CD82: variants seen among roughly 807,000 people sequenced by gnomAD.
CD82 encodes the protein CD82 antigen.
Under a neutral mutation model 37.4 loss-of-function variants are expected in CD82, and 36 were observed. That is an observed-to-expected ratio of 0.96 (90% confidence interval 0.74 to 1.27). CD82 has a LOEUF of 1.27. CD82 is among the 50% of genes most tolerant of loss of function. The probability of loss-of-function intolerance (pLI) is 0.00; values close to 1 mark genes in which losing one functional copy is unlikely to be tolerated. For synonymous variants in CD82, 158 were observed against 137.4 expected, an observed-to-expected ratio of 1.15 and a Z score of -1.05; for missense variants, 340 against 347.0, an observed-to-expected ratio of 0.98 and a Z score of 0.16.
intron 4 of CD82, among the ~76,000 whole-genome samples, chr11:44,600,903 G>C (rs1303134753): frequency 1.3e-5 from 2 of 150,946 alleles, no homozygotes; most frequent in Non-Finnish European, 3.0e-5. Flanking sequence ...TGTGGGACTC[G>C]AACTCCAAGA....
Position 44,594,715 on chromosome 11 carries a change from T to A in CD82, c.53T>A (p.Leu18Ter). Residue 18 changes from leucine to a stop codon, truncating the protein, a stop_gained, in exon 3 of 10, where the codon TTG becomes TAG. Transcript: ENST00000227155. LOFTEE classifies it high-confidence loss of function. ...AAATACTTTCTCTTCCTCTTCAACT[T>A]GATCTTCTTTGTAAGTATGTCCCAT... ...VTKYFLFLFN[L>*]IFFILGAVIL... 6.2e-7 allele frequency: 1 copy of A among 1,613,354 alleles called. No individual in the cohort carries two copies. The highest frequency in any genetic ancestry group is 1.1e-5 in the South Asian group (1 of 91,062).
intron 4 of CD82, 67 bp from the exon 5 acceptor site, chr11:44,604,991 C>T (rs1396270208): frequency 6.2e-7 from 1 of 1,611,164 alleles, no homozygotes; most frequent in African/African-American, 1.3e-5. Flanking sequence ...GGAAGAAGAC[C>T]TGGACGGTTA....
intron 2 of CD82, among the ~76,000 whole-genome samples, chr11:44,591,893 C>T (rs144003165): frequency 0.012 from 1,794 of 152,188 alleles, 42 homozygotes; most frequent in African/African-American, 0.042. Flanking sequence ...AATCTCAGCT[C>T]ACTGCAACCT....
At chr11:44,615,586 C>T (rs1853552938) in intron 7 of CD82, among the ~76,000 whole-genome samples, 1 of 152,228 alleles carries the variant, frequency 6.6e-6, no homozygotes, top group Non-Finnish European at 1.5e-5. Flanking sequence ...CTTCACAGCT[C>T]TGTGCTCCCA....
intron 4 of CD82, among the ~76,000 whole-genome samples, chr11:44,601,478 A>G (rs902052717): frequency 2.6e-5 from 4 of 152,042 alleles, no homozygotes; most frequent in African/African-American, 9.7e-5. Flanking sequence ...CCTTGGCCCC[A>G]TTAGGCCCAG....
intron 6 of CD82, among the ~76,000 whole-genome samples, chr11:44,613,696 G>A (rs1012874081): frequency 3.9e-5 from 6 of 152,240 alleles, no homozygotes; most frequent in African/African-American, 1.4e-4. Context: ...GGTGACTCAT[G>A]CCTGTAGCCC....
At chr11:44,589,363 C>G (rs151136044) in intron 2 of CD82, among the ~76,000 whole-genome samples, 1 of 152,252 alleles carries the variant, frequency 6.6e-6, no homozygotes, top group African/African-American at 2.4e-5. Flanking sequence ...GCTTGCATCT[C>G]ATTCCCTTGA....
intron 6 of CD82, among the ~76,000 whole-genome samples, chr11:44,614,867 A>G (rs1381944875): frequency 6.6e-6 from 1 of 152,202 alleles, no homozygotes; most frequent in Non-Finnish European, 1.5e-5. Context: ...GCCTGGCACA[A>G]AGACAGCACA....
At chr11:44,585,170 T>C (rs1185273171) in intron 1 of CD82, 1 of 455,874 alleles carries the variant, frequency 2.2e-6, no homozygotes, top group East Asian at 6.9e-5. Context: ...GCAGTGGTCA[T>C]CTTCTGGCAC....
At chr11:44,594,854 G>A (rs1853199232) in intron 3 of CD82, 129 bp downstream of exon 3, 2 of 744,006 alleles carry the variant, frequency 2.7e-6, no homozygotes, top group South Asian at 3.1e-5. Context: ...GACTGAGGAC[G>A]AACTATCTCC....
chr11:44,566,719 G>A (rs954800169), intron 1 of CD82, among the ~76,000 whole-genome samples: 1 of 152,194 alleles, frequency 6.6e-6, no homozygotes, highest in Non-Finnish European at 1.5e-5. Flanking sequence ...CAGGAAACCA[G>A]TGAGACCTCC....
chr11:44,566,705 G>C (rs1307591254), intron 1 of CD82, among the ~76,000 whole-genome samples: 1 of 152,202 alleles, frequency 6.6e-6, no homozygotes, highest in Non-Finnish European at 1.5e-5. Flanking sequence ...ACTTAGCAAG[G>C]TGCCAGGAAA....
chr11:44,587,329 G>T (rs770964775), intron 1 of CD82, 146 bp from the exon 2 acceptor site: 7 of 421,034 alleles, frequency 1.7e-5, no homozygotes, highest in East Asian at 7.1e-5. Flanking sequence ...ATGAGCCTGT[G>T]GGGGGAAGAG....
At chr11:44,576,928 T>A (rs1171527448) in intron 1 of CD82, among the ~76,000 whole-genome samples, 4 of 152,114 alleles carry the variant, frequency 2.6e-5, no homozygotes, top group African/African-American at 9.7e-5. Context: ...ACCTGGGTTG[T>A]CTTTGCTGCC....
At chr11:44,610,876 C>G (rs981171345) in intron 6 of CD82, among the ~76,000 whole-genome samples, 1 of 152,022 alleles carries the variant, frequency 6.6e-6, no homozygotes, top group Non-Finnish European at 1.5e-5. Context: ...GCTCTGTTGC[C>G]CAGGCTGGAG....
At chr11:44,598,802 T>C (rs1021901406) in intron 3 of CD82, among the ~76,000 whole-genome samples, 9 of 152,214 alleles carry the variant, frequency 5.9e-5, no homozygotes, top group African/African-American at 1.7e-4. Context: ...CGGGGCTCTA[T>C]GGCAGCTGCT....
chr11:44,583,412 A>T (rs539511569), intron 1 of CD82, among the ~76,000 whole-genome samples: 19 of 152,232 alleles, frequency 1.2e-4, no homozygotes, highest in Non-Finnish European at 2.6e-4. Flanking sequence ...GAAGGGCCAC[A>T]TCTGTCAGTC....
At chr11:44,618,086 G>C in intron 7 of CD82, 76 bp from the exon 8 acceptor site, 1 of 1,334,104 alleles carries the variant, frequency 7.5e-7, no homozygotes, top group Non-Finnish European at 1.1e-6. Flanking sequence ...TCCTGGGGAG[G>C]TCCTCCCTCT....
chr11:44,586,705 AC>A (rs1280019736), intron 1 of CD82, among the ~76,000 whole-genome samples: 1 of 152,156 alleles, frequency 6.6e-6, no homozygotes, highest in Non-Finnish European at 1.5e-5. Context: ...GGAGGAAGCA[AC>A]CCATCTCTAC....
Sources: allele counts gnomAD v4.1 joint callset (sites outside exome capture counted in the v4.1 genomes callset), GRCh38; gene constraint gnomAD v4.1.1; transcripts MANE v1.5; gene names NCBI Gene and HGNC (gene_info 2026-07-23, HGNC 2026-07-21).